Variants in THRB observed in about 807,000 individuals in gnomAD.
THRB encodes the protein nuclear receptor subfamily 1 group A member 2.
THRB carries 12 observed loss-of-function variants against 47.8 expected under a neutral mutation model. The observed-to-expected ratio is 0.25, with a 90% CI of 0.16 to 0.41. The LOEUF (loss-of-function observed/expected upper bound fraction) is 0.41, where lower values mean the gene tolerates loss of function less well. Ranked by LOEUF, THRB falls within the 10% of genes least tolerant of loss-of-function variation. The probability of loss-of-function intolerance (pLI) is 1.00; values close to 1 mark genes in which losing one functional copy is unlikely to be tolerated. For missense variants in THRB, 348 were observed against 589.2 expected (o/e 0.59, Z 4.24); for synonymous variants, 218 against 212.2 (o/e 1.03, Z -0.24).
chr3:24,461,646 A>C (rs2073711032), intron 1 of THRB, among the ~76,000 whole-genome samples: 1 of 152,234 alleles, frequency 6.6e-6, no homozygotes, highest in African/African-American at 2.4e-5. Flanking sequence ...TGCATTAACT[A>C]TAAGCCAACT....
At chr3:24,326,402 A>G (rs138428839) in intron 2 of THRB, among the ~76,000 whole-genome samples, 3,647 of 151,950 alleles carry the variant, frequency 0.024, 48 homozygotes, top group Middle Eastern at 0.041. Flanking sequence ...TGCCTGGCTA[A>G]TTTTCATATT....
chr3:24,287,983 A>T (rs1240183538), intron 3 of THRB, among the ~76,000 whole-genome samples: 1 of 152,258 alleles, frequency 6.6e-6, no homozygotes, highest in Non-Finnish European at 1.5e-5. Flanking sequence ...TCCACATTAT[A>T]GCTTCACAAA....
intron 3 of THRB, among the ~76,000 whole-genome samples, chr3:24,296,653 G>A (rs2151031993): frequency 1.3e-5 from 2 of 152,332 alleles, no homozygotes; most frequent in South Asian, 4.1e-4. Flanking sequence ...ACAGAGAACA[G>A]AGCAAGCCCT....
chr3:24,363,797 A>T (rs1296424609), intron 1 of THRB, among the ~76,000 whole-genome samples: 1 of 152,194 alleles, frequency 6.6e-6, no homozygotes, highest in Non-Finnish European at 1.5e-5. Flanking sequence ...ATTTCCAAAA[A>T]AAAGTCATGT....
chr3:24,392,465 T>G (rs2066646418), intron 1 of THRB, among the ~76,000 whole-genome samples: 1 of 152,158 alleles, frequency 6.6e-6, no homozygotes, highest in Non-Finnish European at 1.5e-5. Context: ...TATCAAACAC[T>G]AGGACTTATT....
intron 4 of THRB, among the ~76,000 whole-genome samples, chr3:24,194,650 C>T (rs1050718571): frequency 3.9e-5 from 6 of 152,168 alleles, no homozygotes; most frequent in African/African-American, 1.4e-4. Flanking sequence ...TTGATTGACA[C>T]AACACTGATC....
In THRB at chr3:24,297,327, G is replaced by T. The variant is rs923595336; in HGVS notation, c.-144C>A. On this transcript the variant is annotated 5_prime_UTR_variant, in exon 3 of 11. Coordinates refer to ENST00000646209, the MANE Select transcript of THRB (RefSeq NM_001354712.2). ...TCCTCTTCCTACAGTGAAGTCACTG[G>T]GGGCAGATGAAATATAAAATGCTGG... The T allele has an allele frequency of 1.3e-5, 2 of 152,198 alleles. No individual in the cohort carries two copies. The highest frequency in any genetic ancestry group is 2.9e-5 in the Non-Finnish European group (2 of 68,036). The allele number at this position is 152,198 out of a possible 1,614,324, so 9.4% of individuals were successfully genotyped here.
chr3:24,312,726 G>C (rs1026529905), intron 2 of THRB, among the ~76,000 whole-genome samples: 2 of 152,180 alleles, frequency 1.3e-5, no homozygotes, highest in African/African-American at 4.8e-5. Flanking sequence ...AGAAGAAGAG[G>C]GGGTGAGATC....
intron 1 of THRB, among the ~76,000 whole-genome samples, chr3:24,445,138 A>C (rs2071942831): frequency 6.6e-6 from 1 of 152,162 alleles, no homozygotes; most frequent in South Asian, 2.1e-4. Context: ...AGATTTAATC[A>C]AAAAGTCAGT....
At chr3:24,373,958 T>A (rs1248203361) in intron 1 of THRB, among the ~76,000 whole-genome samples, 1 of 152,206 alleles carries the variant, frequency 6.6e-6, no homozygotes, top group East Asian at 1.9e-4. Flanking sequence ...TTCCCTTTTT[T>A]TTTGGTTTAT....
chr3:24,171,241 A>C (rs1165542435), intron 5 of THRB, among the ~76,000 whole-genome samples: 1 of 152,178 alleles, frequency 6.6e-6, no homozygotes, highest in African/African-American at 2.4e-5. Context: ...GGTGCACAAA[A>C]ACTTTTTGAC....
intron 1 of THRB, among the ~76,000 whole-genome samples, chr3:24,404,621 A>G (rs2067676706): frequency 6.6e-6 from 1 of 151,888 alleles, no homozygotes; most frequent in South Asian, 2.1e-4. Context: ...CTTTGCAAAA[A>G]TTTAACTATT....
At chr3:24,435,206 A>C (rs1161537715) in intron 1 of THRB, among the ~76,000 whole-genome samples, 2 of 152,156 alleles carry the variant, frequency 1.3e-5, no homozygotes, top group African/African-American at 2.4e-5. Context: ...AAAAACAAGG[A>C]TGGAGGAAGA....
intron 3 of THRB, among the ~76,000 whole-genome samples, chr3:24,235,671 C>G (rs2048784840): frequency 3.3e-5 from 5 of 152,108 alleles, no homozygotes; most frequent in Admixed American, 3.3e-4. Flanking sequence ...TTTAAAAGGT[C>G]AGACCCATGA....
chr3:24,183,423 A>G (rs1359609171), intron 5 of THRB, among the ~76,000 whole-genome samples: 1 of 143,164 alleles, frequency 7.0e-6, no homozygotes, highest in Admixed American at 7.1e-5. Context: ...CTGGAGTGCA[A>G]TGGCGCTATC....
At chr3:24,390,799 T>A (rs894962157) in intron 1 of THRB, among the ~76,000 whole-genome samples, 276 of 133,300 alleles carry the variant, frequency 2.1e-3, no homozygotes, top group African/African-American at 8.1e-3. Context: ...AAAAAAAAAA[T>A]ATATATATAT....
At chr3:24,450,533 C>T (rs1198583429) in intron 1 of THRB, among the ~76,000 whole-genome samples, 1 of 152,128 alleles carries the variant, frequency 6.6e-6, no homozygotes, top group Non-Finnish European at 1.5e-5. Context: ...ATGTACTACC[C>T]AATTTATCTA....
chr3:24,324,599 T>C (rs1203554204), intron 2 of THRB, among the ~76,000 whole-genome samples: 1 of 152,224 alleles, frequency 6.6e-6, no homozygotes, highest in African/African-American at 2.4e-5. Context: ...ATCAACTTTT[T>C]ACCTTCAACT....
chr3:24,392,246 T>A (rs1456787287), intron 1 of THRB, among the ~76,000 whole-genome samples: 1 of 152,134 alleles, frequency 6.6e-6, no homozygotes, highest in African/African-American at 2.4e-5. Flanking sequence ...TTATCGAGAA[T>A]TCTGTTTTTC....
Sources: allele counts gnomAD v4.1 joint callset (sites outside exome capture counted in the v4.1 genomes callset), GRCh38; gene constraint gnomAD v4.1.1; transcripts MANE v1.5; gene names NCBI Gene and HGNC (gene_info 2026-07-23, HGNC 2026-07-21).